Variants in NUP88 observed in about 807,000 individuals in gnomAD.
The protein encoded by NUP88 is nuclear pore complex protein Nup88.
Under a neutral mutation model 93.9 loss-of-function variants are expected in NUP88, and 57 were observed. The observed-to-expected ratio is 0.61, with a 90% confidence interval of 0.49 to 0.76. NUP88 has a LOEUF of 0.76. Ranked by LOEUF, NUP88 falls within the 30% of genes least tolerant of loss-of-function variation. The pLI, the probability that NUP88 is intolerant of heterozygous loss-of-function variation, is 0.00. For missense variants in NUP88, 911 were observed against 901.0 expected (o/e 1.01, Z -0.14); for synonymous variants, 346 against 336.8 (o/e 1.03, Z -0.30).
Position 5,410,765 on chromosome 17 carries a change from C to T in NUP88, c.618G>A (p.Gln206=), listed in dbSNP as rs145279651. Residue 206 remains glutamine, a synonymous_variant, in exon 4 of 17, where the codon CAG becomes CAA. Coordinates refer to ENST00000573584, the MANE Select transcript of NUP88 (RefSeq NM_002532.6). ...AAAGTATTATCACGTTAGTGGGTGT[C>T]TGCGGCTCACGTAGTGAGTAAATTC... is the stretch of plus-strand genomic sequence containing the variant. ...VIRIYSLREP[Q]TPTNVIILSE... The T allele has an allele frequency of 9.9e-6, 16 of 1,612,550 alleles. No homozygotes were observed. In the African/African-American group the frequency reaches 1.7e-4, roughly 17 times the overall value.
rs753292020 is a variant in NUP88 at position 5,386,781 on chromosome 17, A to G, written c.2089T>C (p.Leu697=). The G allele has an allele frequency of 8.1e-6, 13 of 1,613,952 alleles. No individual in the cohort carries two copies. Among genetic ancestry groups the G allele is most frequent in the Non-Finnish European group, 2.5e-6 (3 of 1,179,934 alleles). The change falls in exon 16 of 17, where the codon TTG becomes CTG. Residue 697 remains leucine, a synonymous_variant. Transcript: ENST00000573584. ...DYQQQKMEKV[L]SLPKPTIILS... The stretch of plus-strand genomic sequence containing the variant: ...ATAATGGTGGGTTTTGGAAGACTCA[A>G]CACCTTCTCCATCTTTTGCTGTTGA...
intron 2 of NUP88, 144 bp downstream of exon 2, chr17:5,416,369 T>A: frequency 1.9e-6 from 1 of 538,956 alleles, no homozygotes; most frequent in Non-Finnish European, 3.2e-6. Context: ...CTATGAACAT[T>A]GATAACACAG....
chr17:5,389,635 G>A (rs142207901), intron 10 of NUP88, among the ~76,000 whole-genome samples: 3,393 of 152,028 alleles, frequency 0.022, 52 homozygotes, highest in Non-Finnish European at 0.037. Context: ...AATCAGCTGG[G>A]TGTGGTGGCA....
chr17:5,401,296 T>G (rs1913147287), intron 7 of NUP88, among the ~76,000 whole-genome samples: 2 of 151,984 alleles, frequency 1.3e-5, no homozygotes, highest in South Asian at 4.1e-4. Flanking sequence ...GGCAGAAGAA[T>G]CGCTCGAACC....
intron 3 of NUP88, 61 bp downstream of exon 3, chr17:5,413,948 T>C: frequency 6.3e-7 from 1 of 1,580,056 alleles, no homozygotes; most frequent in Non-Finnish European, 8.7e-7. Flanking sequence ...AGCTGTTAAT[T>C]GGCAAACAGA....
Position 5,401,587 on chromosome 17 carries a change from T to G in NUP88, c.1193-1937A>C, listed in dbSNP as rs993275758. ...ATATATTATTTTTCTGTCTTATATA[T>G]TGAGGTTCCATAAAACATCTTAGAA... On this transcript the variant is annotated intron_variant, in intron 7 of 16. Transcript: ENST00000573584. Among the ~76,000 whole-genome samples the G allele has an allele frequency of 6.6e-5, 10 of 152,232 alleles. No homozygotes were observed. In the East Asian group the frequency reaches 1.9e-3, roughly 29 times the overall value.
chr17:5,387,424 A>C lies in NUP88; in HGVS notation c.1878T>G (p.Tyr626Ter), dbSNP rs371857806. The change falls in exon 14 of 17, where the codon TAT becomes TAG. Residue 626 changes from tyrosine (Y) to a stop codon, truncating the protein, a stop_gained. Coordinates refer to ENST00000573584, the MANE Select transcript of NUP88 (RefSeq NM_002532.6). LOFTEE classifies it high-confidence loss of function. ...REMAERLADK[Y>*]EEAKEKQEDI... is the part of the protein sequence containing the mutation. ...CCTCTTGTTTTTCTTTAGCTTCCTCATATTTGTCAGCTAAACGCTCAGCCA... is the reference window on the plus strand; with the variant it reads ...CCTCTTGTTTTTCTTTAGCTTCCTCCTATTTGTCAGCTAAACGCTCAGCCA... 8 of 1,614,118 alleles carry C rather than the reference A, an allele frequency of 5.0e-6. No homozygotes were observed. Among genetic ancestry groups the C allele is most frequent in the Non-Finnish European group, 6.8e-6 (8 of 1,180,014 alleles).
intron 9 of NUP88, among the ~76,000 whole-genome samples, chr17:5,392,389 C>T (rs185562181): frequency 1.7e-4 from 26 of 152,346 alleles, no homozygotes; most frequent in Middle Eastern, 6.8e-3. Context: ...TTCCCCTTAA[C>T]CTATTCTTTC....
Position 5,385,208 on chromosome 17 carries a change from CAA to C in NUP88, c.*996_*997del. The stretch of plus-strand genomic sequence containing the variant: ...TTAGCAATGTGTTTCTGGTATGAAA[CAA>C]ACTACTGTGTCACTGTCCAGGTAGG... On this transcript the variant is annotated 3_prime_UTR_variant, in exon 17 of 17. Transcript: ENST00000573584. The C allele has an allele frequency of 4.3e-6, 1 of 230,100 alleles. No individual in the cohort carries two copies. Among genetic ancestry groups the C allele is most frequent in the Non-Finnish European group, 8.6e-6 (1 of 116,142 alleles). The allele number at this position is 230,100 out of a possible 1,614,324, so 14.3% of individuals were successfully genotyped here.
At chr17:5,400,991 G>A (rs753445419) in intron 7 of NUP88, among the ~76,000 whole-genome samples, 51 of 152,248 alleles carry the variant, frequency 3.3e-4, no homozygotes, top group Middle Eastern at 3.4e-3. Context: ...CCCAGTATCA[G>A]TAAGACAATC....
chr17:5,415,710 C>CT (rs1914095223), intron 2 of NUP88, among the ~76,000 whole-genome samples: 1 of 152,208 alleles, frequency 6.6e-6, no homozygotes, highest in African/African-American at 2.4e-5. Flanking sequence ...CGGGGATCCT[C>CT]TGCTGTGTTG....
In NUP88 at chr17:5,408,831, T is replaced by TA; in HGVS notation, c.758dup (p.Phe254IlefsTer8). 1 of 1,614,040 alleles carries TA rather than the reference T, an allele frequency of 6.2e-7. No homozygotes were observed. Among genetic ancestry groups the TA allele is most frequent in the East Asian group, 2.2e-5 (1 of 44,870 alleles). ...CTTCATCTTTGCCGTTTTGTCCAAA[T>TA]AGAGTCTTTGGGACTGCTGCCAATG... On this transcript the variant is annotated frameshift_variant, in exon 5 of 17. Transcript: ENST00000573584. LOFTEE classifies it high-confidence loss of function.
chr17:5,400,493 CAAAAAAAAAAA>C (rs1187634728), intron 7 of NUP88, among the ~76,000 whole-genome samples: 3 of 44,778 alleles, frequency 6.7e-5, no homozygotes, highest in East Asian at 2.9e-3. Flanking sequence ...AACTCCGTCT[CAAAAAAAAAAA>C]AAAAAAAAAA....
Position 5,387,381 on chromosome 17 carries a change from C to T in NUP88, c.1916+5G>A, listed in dbSNP as rs367646348. 3.8e-5 allele frequency: 62 copies of T among 1,611,240 alleles called. No individual in the cohort carries two copies. The highest frequency in any genetic ancestry group is 5.2e-5 in the Non-Finnish European group (61 of 1,177,534). ...AGGTAACTAAATGTTATACAGCCCA[C>T]TGACCTGTTCATGATATCCTCTTGT... On this transcript the variant is annotated splice_donor_5th_base_variant and intron_variant, in intron 14 of 16. Coordinates refer to ENST00000573584, the MANE Select transcript of NUP88 (RefSeq NM_002532.6).
intron 7 of NUP88, 70 bp downstream of exon 7, chr17:5,404,029 A>G (rs529040752): frequency 3.2e-4 from 467 of 1,459,044 alleles, no homozygotes; most frequent in Middle Eastern, 2.8e-3. Flanking sequence ...TACATTACAT[A>G]GGAACAGTCT....
At chr17:5,397,888 CTTTTT>C in intron 8 of NUP88, among the ~76,000 whole-genome samples, 1 of 151,806 alleles carries the variant, frequency 6.6e-6, no homozygotes, top group East Asian at 1.9e-4. Context: ...GGTATTAATT[CTTTTT>C]TTTAATTTAT....
rs778283444 is a variant in NUP88, at chr17:5,386,235, T to G, written c.2197A>C (p.Asn733His). The G allele has an allele frequency of 1.2e-6, 2 of 1,613,524 alleles. No homozygotes were observed. Among genetic ancestry groups the G allele is most frequent in the South Asian group, 2.2e-5 (2 of 90,938 alleles). ...AAGTTTACATGATTGCGGATATCATTGATTTGCTTCACCATTTCCCTTATA... is the reference window on the plus strand; with the variant it reads ...AAGTTTACATGATTGCGGATATCATGGATTTGCTTCACCATTTCCCTTATA... Reference protein sequence around the residue: ...EHIREMVKQINDIRNHVNF With the variant: ...EHIREMVKQIHDIRNHVNF The change falls in exon 17 of 17, where the codon AAT becomes CAT. Residue 733 changes from asparagine to histidine, a missense_variant. Transcript: ENST00000573584.
intron 2 of NUP88, among the ~76,000 whole-genome samples, chr17:5,416,188 T>TATACACAC (rs1555530312): frequency 3.2e-5 from 4 of 126,200 alleles, no homozygotes; most frequent in East Asian, 4.8e-4. Context: ...TATACACACA[T>TATACACAC]ACACACACAC....
chr17:5,411,769 G>A (rs3026142), intron 3 of NUP88, among the ~76,000 whole-genome samples: 70,200 of 151,936 alleles, frequency 0.46, 16,978 homozygotes, highest in East Asian at 0.84. Context: ...TAGAAATCCA[G>A]TGTCCCTTAT....
Sources: allele counts gnomAD v4.1 joint callset (sites outside exome capture counted in the v4.1 genomes callset), GRCh38; gene constraint gnomAD v4.1.1; transcripts MANE v1.5; gene names NCBI Gene and HGNC (gene_info 2026-07-23, HGNC 2026-07-21).